The following NCOA2 variants were observed in gnomAD, a reference collection of about 807,000 sequenced individuals.
The protein encoded by NCOA2 is class E basic helix-loop-helix protein 75.
A neutral mutation model predicts 145.1 loss-of-function variants in NCOA2; 21 were observed. The ratio of observed to expected loss-of-function variants is 0.14; its 90% CI spans 0.10 to 0.21. The LOEUF (loss-of-function observed/expected upper bound fraction) is 0.21, where lower values mean the gene tolerates loss of function less well. NCOA2 is among the 10% of genes least tolerant of loss of function. The pLI is 1.00. For missense variants in NCOA2, 1,472 were observed against 1,837.6 expected (o/e 0.80, Z 3.64); for synonymous variants, 619 against 637.5 (o/e 0.97, Z 0.44).
At chr8:70,385,826 GA>G (rs1040377919) in intron 1 of NCOA2, among the ~76,000 whole-genome samples, 1 of 150,832 alleles carries the variant, frequency 6.6e-6, no homozygotes, top group African/African-American at 2.5e-5. Context: ...TAAGAGTGAT[GA>G]GGAAAAAAAA....
intron 1 of NCOA2, among the ~76,000 whole-genome samples, chr8:70,360,100 G>A (rs1308191145): frequency 6.6e-6 from 1 of 152,074 alleles, no homozygotes; most frequent in South Asian, 2.1e-4. Context: ...TTTATTTATA[G>A]AAGCCCACAC....
chr8:70,375,403 G>A (rs1406656280), intron 1 of NCOA2, among the ~76,000 whole-genome samples: 1 of 152,152 alleles, frequency 6.6e-6, no homozygotes. Context: ...GGCATCAGGT[G>A]AGATGGCTGT....
At chr8:70,410,661 C>T in the NCOA2 span, among the ~76,000 whole-genome samples, 1 of 152,260 alleles carries the variant, frequency 6.6e-6, no homozygotes, top group African/African-American at 2.4e-5. Flanking sequence ...AAACTAATTT[C>T]CATCGTCAAG....
intron 2 of NCOA2, among the ~76,000 whole-genome samples, chr8:70,289,763 T>C (rs1024162645): frequency 6.6e-6 from 1 of 152,182 alleles, no homozygotes; most frequent in Non-Finnish European, 1.5e-5. Flanking sequence ...CTCCTCAAAA[T>C]TGGACTACAT....
intron 4 of NCOA2, among the ~76,000 whole-genome samples, chr8:70,190,556 A>G (rs941618472): frequency 6.6e-6 from 1 of 152,240 alleles, no homozygotes; most frequent in Non-Finnish European, 1.5e-5. Context: ...AACTATTTAT[A>G]AGAAGGAAAG....
chr8:70,379,968 G>C (rs1270503579), intron 1 of NCOA2, among the ~76,000 whole-genome samples: 1 of 152,024 alleles, frequency 6.6e-6, no homozygotes, highest in East Asian at 1.9e-4. Flanking sequence ...CAATGAGTAT[G>C]AACTTTATAA....
rs1158221379 is a variant in NCOA2 at position 70,156,416 on chromosome 8, T to G, written c.1949A>C (p.Asp650Ala). The G allele has an allele frequency of 6.2e-7, 1 of 1,613,966 alleles. No individual in the cohort carries two copies. The highest frequency in any genetic ancestry group is 8.5e-7 in the Non-Finnish European group (1 of 1,179,872). Residue 650 changes from aspartate to alanine, a missense_variant, in exon 11 of 23, where the codon GAT (aspartate) becomes GCT (alanine). Physicochemically the swap from Asp to Ala is moderately radical, Grantham distance 126. Coordinates refer to ENST00000452400, the MANE Select transcript of NCOA2 (RefSeq NM_006540.4). ...KLLQLLTTKS[D>A]QMEPSPLASS... ...GGCTAAGGGCGAGGGCTCCATCTGA[T>G]CAGATTTGGTGGTCAGCAGCTGCAG...
chr8:70,178,001 G>A (rs1324168600), intron 4 of NCOA2, among the ~76,000 whole-genome samples: 1 of 152,124 alleles, frequency 6.6e-6, no homozygotes. Context: ...CAATAAGTAG[G>A]CCTTGTGAGA....
At chr8:70,331,028 G>A (rs1807050483) in intron 1 of NCOA2, among the ~76,000 whole-genome samples, 1 of 148,520 alleles carries the variant, frequency 6.7e-6, no homozygotes, top group South Asian at 2.4e-4. Flanking sequence ...AGAACAGTCA[G>A]TAAAGAAAAC....
At chr8:70,166,048 T>C (rs1444739627) in intron 7 of NCOA2, among the ~76,000 whole-genome samples, 2 of 152,144 alleles carry the variant, frequency 1.3e-5, no homozygotes, top group Admixed American at 1.3e-4. Flanking sequence ...GGTCTCGATC[T>C]CCTGATCTCG....
chr8:70,166,551 G>C lies in NCOA2; in HGVS notation c.730+15C>G, dbSNP rs149482923. On this transcript the variant is annotated intron_variant, in intron 7 of 22. Transcript: ENST00000452400. Reference sequence around the variant, plus strand: ...ATACACAGACACACAGAACACCCTAGGGATTCTGTCCCACCTTCTCCTTCT... The same window carrying C: ...ATACACAGACACACAGAACACCCTACGGATTCTGTCCCACCTTCTCCTTCT... 1 of 1,613,554 alleles carries C rather than the reference G, an allele frequency of 6.2e-7. No individual in the cohort carries two copies. The highest frequency in any genetic ancestry group is 2.2e-5 in the East Asian group (1 of 44,884).
intron 2 of NCOA2, among the ~76,000 whole-genome samples, chr8:70,261,338 A>T (rs1824107214): frequency 6.6e-6 from 1 of 152,140 alleles, no homozygotes; most frequent in East Asian, 1.9e-4. Flanking sequence ...ATTCTCAGTA[A>T]ACTATCGCAG....
At chr8:70,338,664 T>C (rs1006641578) in intron 1 of NCOA2, among the ~76,000 whole-genome samples, 1 of 152,134 alleles carries the variant, frequency 6.6e-6, no homozygotes, top group Non-Finnish European at 1.5e-5. Flanking sequence ...GTATCCTTGA[T>C]GAAGAGTGAT....
At chr8:70,138,363 C>T in intron 14 of NCOA2, 31 bp from the exon 15 acceptor site, 2 of 1,562,324 alleles carry the variant, frequency 1.3e-6, no homozygotes, top group South Asian at 2.4e-5. Context: ...AATCTTACAT[C>T]TTTAATCAAG....
intron 1 of NCOA2, among the ~76,000 whole-genome samples, chr8:70,358,161 A>C (rs750948583): frequency 6.6e-6 from 1 of 152,232 alleles, no homozygotes; most frequent in Admixed American, 6.5e-5. Flanking sequence ...TAGGAGACTT[A>C]ATACTGTTAA....
intron 1 of NCOA2, among the ~76,000 whole-genome samples, chr8:70,352,636 C>A (rs1809346421): frequency 1.3e-5 from 2 of 152,184 alleles, no homozygotes; most frequent in African/African-American, 4.8e-5. Flanking sequence ...TCATAGTAAA[C>A]ACCATGTAGT....
At chr8:70,279,975 T>G (rs577389689) in intron 2 of NCOA2, among the ~76,000 whole-genome samples, 11 of 152,296 alleles carry the variant, frequency 7.2e-5, no homozygotes, top group African/African-American at 2.6e-4. Context: ...AAGTTCCAGG[T>G]TTGCTTATAC....
chr8:70,431,449 A>G, the NCOA2 span, among the ~76,000 whole-genome samples: 1 of 152,228 alleles, frequency 6.6e-6, no homozygotes, highest in Non-Finnish European at 1.5e-5. Context: ...GAAGCATAAT[A>G]TATGTAGCAC....
intron 22 of NCOA2, among the ~76,000 whole-genome samples, chr8:70,115,184 CTT>C (rs1271368396): frequency 6.6e-6 from 1 of 152,064 alleles, no homozygotes; most frequent in Non-Finnish European, 1.5e-5. Context: ...GAGTTTCGCT[CTT>C]GTTGCCCAGG....
Sources: allele counts gnomAD v4.1 joint callset (sites outside exome capture counted in the v4.1 genomes callset), GRCh38; gene constraint gnomAD v4.1.1; transcripts MANE v1.5; gene names NCBI Gene and HGNC (gene_info 2026-07-23, HGNC 2026-07-21).